The following MSH4 variants were observed in gnomAD, a reference collection of about 807,000 sequenced individuals.
MSH4 encodes mutS homolog 4, also known as mutS protein homolog 4.
In MSH4, 106 loss-of-function variants were observed where a neutral mutation model predicts 113.7. The ratio of observed to expected loss-of-function variants is 0.93; its 90% confidence interval spans 0.80 to 1.10. MSH4 has a LOEUF of 1.10. MSH4 is among the 50% of genes least tolerant of loss of function. The pLI, the probability that MSH4 is intolerant of heterozygous loss-of-function variation, is 0.00. For synonymous variants in MSH4, 368 were observed against 380.2 expected (o/e 0.97, Z 0.37); for missense variants, 1,061 against 1,093.7 (o/e 0.97, Z 0.42).
Position 75,867,592 on chromosome 1 carries a change from AT to A in MSH4, c.1305+7del. The A allele has an allele frequency of 6.5e-7, 1 of 1,534,358 alleles. No individual in the cohort carries two copies. Among genetic ancestry groups the A allele is most frequent in the Non-Finnish European group, 8.9e-7 (1 of 1,120,244 alleles). On this transcript the variant is annotated splice_donor_5th_base_variant and intron_variant, in intron 9 of 19. Transcript: ENST00000263187. ...GGAACTTGTGGATCCTTTAAAGGTA[AT>A]TTATGTGTGTGTATCGTACAAAACA...
At chr1:75,907,951 C>T (rs1205440196) in intron 19 of MSH4, among the ~76,000 whole-genome samples, 1 of 149,924 alleles carries the variant, frequency 6.7e-6, no homozygotes, top group East Asian at 2.0e-4. Flanking sequence ...CTGAAGTGAT[C>T]TGCCTGCCTC....
chr1:75,830,355 A>T (rs1405733033), intron 7 of MSH4, among the ~76,000 whole-genome samples: 1 of 152,194 alleles, frequency 6.6e-6, no homozygotes, highest in Non-Finnish European at 1.5e-5. Flanking sequence ...ACCAAGTTGG[A>T]AAACACTCTT....
rs760951616 is a variant in MSH4 at position 75,797,174 on chromosome 1, G to GAGCAGC, written c.202_207dup (p.Ser68_Ser69dup). The GAGCAGC allele has an allele frequency of 3.2e-5, 52 of 1,610,572 alleles. No homozygotes were observed. The highest frequency in any genetic ancestry group is 2.2e-4 in the East Asian group (10 of 44,774). On this transcript the variant is annotated inframe_insertion, in exon 1 of 20. Transcript: ENST00000263187. ...GCACGTCAGGAGCTGCGGGCGACCGGAGCAGCAGCAGCAGCAGCCTTCCCT... is the reference window on the plus strand; with the variant it reads ...GCACGTCAGGAGCTGCGGGCGACCGGAGCAGCAGCAGCAGCAGCAGCAGCCTTCCCT...
intron 7 of MSH4, among the ~76,000 whole-genome samples, chr1:75,823,493 G>T (rs1650476324): frequency 6.6e-6 from 1 of 151,964 alleles, no homozygotes; most frequent in South Asian, 2.1e-4. Flanking sequence ...TACATGTGCT[G>T]AAATGTGCTG....
chr1:75,826,155 C>G (rs998583029), intron 7 of MSH4, among the ~76,000 whole-genome samples: 2 of 152,104 alleles, frequency 1.3e-5, no homozygotes, highest in African/African-American at 2.4e-5. Context: ...TGTTATTGGT[C>G]TAGTCACAGA....
At chr1:75,848,599 A>G (rs935065137) in intron 8 of MSH4, among the ~76,000 whole-genome samples, 2 of 152,168 alleles carry the variant, frequency 1.3e-5, no homozygotes, top group African/African-American at 4.8e-5. Context: ...TTAGCTGGGC[A>G]TGCTGTTGCA....
rs375832551 is a variant in MSH4, at chr1:75,881,230, C to T, written c.1782-16C>T. On this transcript the variant is annotated splice_polypyrimidine_tract_variant and intron_variant, in intron 13 of 19. Coordinates refer to ENST00000263187, the MANE Select transcript of MSH4 (RefSeq NM_002440.4). Reference sequence around the variant, plus strand: ...TGAAAAAACATTATTACATGTCTTACCAAACGTGTTTTCAGGATAGTGTGC... The same window carrying T: ...TGAAAAAACATTATTACATGTCTTATCAAACGTGTTTTCAGGATAGTGTGC... The T allele has an allele frequency of 7.0e-7, 1 of 1,426,246 alleles. No individual in the cohort carries two copies. Among genetic ancestry groups the T allele is most frequent in the Non-Finnish European group, 9.3e-7 (1 of 1,078,922 alleles). The allele number at this position is 1,426,246 out of a possible 1,614,324, so 88.3% of individuals were successfully genotyped here.
At chr1:75,799,596 G>A (rs1431816571) in intron 1 of MSH4, among the ~76,000 whole-genome samples, 2 of 152,172 alleles carry the variant, frequency 1.3e-5, no homozygotes, top group Admixed American at 6.5e-5. Flanking sequence ...CAGCTGGAGC[G>A]CATTCTTGAG....
intron 13 of MSH4, 60 bp downstream of exon 13, chr1:75,880,213 A>G: frequency 1.1e-6 from 1 of 871,638 alleles, no homozygotes. Flanking sequence ...AGAAACTGTT[A>G]CAATTGTATT....
chr1:75,850,749 T>G (rs1456071358), intron 8 of MSH4, among the ~76,000 whole-genome samples: 1 of 152,150 alleles, frequency 6.6e-6, no homozygotes, highest in Admixed American at 6.5e-5. Context: ...TGTTTTTCTA[T>G]TTGTTCTATC....
chr1:75,900,463 G>A (rs1181396195), intron 19 of MSH4, among the ~76,000 whole-genome samples: 6 of 145,030 alleles, frequency 4.1e-5, no homozygotes, highest in African/African-American at 9.9e-5. Flanking sequence ...CACCACACCC[G>A]GCTAATTTTT....
chr1:75,885,059 G>GTGTGTGTGTGTGTGTATA (rs1300289205), intron 15 of MSH4, among the ~76,000 whole-genome samples: 97 of 112,474 alleles, frequency 8.6e-4, no homozygotes, highest in Non-Finnish European at 1.4e-3. Context: ...GTGTGTGTGT[G>GTGTGTGTGTGTGTGTATA]TATATATATA....
intron 14 of MSH4, among the ~76,000 whole-genome samples, 194 bp downstream of exon 14, chr1:75,881,564 C>T (rs186768746): frequency 1.8e-4 from 27 of 151,998 alleles, no homozygotes; most frequent in African/African-American, 6.5e-4. Flanking sequence ...AAATTATTCT[C>T]TCAGAAATTG....
intron 19 of MSH4, among the ~76,000 whole-genome samples, chr1:75,903,762 A>G (rs1004411106): frequency 1.8e-4 from 27 of 151,822 alleles, no homozygotes; most frequent in African/African-American, 6.5e-4. Flanking sequence ...TGATTTTTAT[A>G]TTTTTGGTGG....
At chr1:75,852,100 A>C in intron 8 of MSH4, among the ~76,000 whole-genome samples, 1 of 152,230 alleles carries the variant, frequency 6.6e-6, no homozygotes, top group East Asian at 1.9e-4. Context: ...AGATTTGCCT[A>C]TCCTGGACAT....
intron 8 of MSH4, among the ~76,000 whole-genome samples, chr1:75,864,809 T>G (rs1262373428): frequency 6.6e-6 from 1 of 152,198 alleles, no homozygotes; most frequent in Non-Finnish European, 1.5e-5. Context: ...GTGGGATAGA[T>G]GCTGTTGGTA....
At chr1:75,840,245 A>G (rs1229906441) in intron 7 of MSH4, among the ~76,000 whole-genome samples, 12 of 140,364 alleles carry the variant, frequency 8.5e-5, no homozygotes, top group South Asian at 2.6e-4. Flanking sequence ...CACTATTCAC[A>G]ATAGCAAAGA....
chr1:75,883,539 A>G, intron 14 of MSH4, 82 bp from the exon 15 acceptor site: 1 of 1,088,030 alleles, frequency 9.2e-7, no homozygotes, highest in South Asian at 1.6e-5. Flanking sequence ...AATCACTAAG[A>G]TATAGACAAT....
At chr1:75,838,265 A>C (rs12075453) in intron 7 of MSH4, among the ~76,000 whole-genome samples, 4,262 of 152,082 alleles carry the variant, frequency 0.028, 196 homozygotes, top group African/African-American at 0.096. Context: ...TCTATCTTTA[A>C]AGCCAGAAGT....
Sources: gnomAD v4.1 joint callset for allele counts (sites outside exome capture counted in the v4.1 genomes callset) on GRCh38, gnomAD v4.1.1 for gene constraint, MANE v1.5 for transcripts, NCBI Gene and HGNC (gene_info 2026-07-23, HGNC 2026-07-21) for gene names.